The following ACACB variants were observed in gnomAD, a reference collection of about 807,000 sequenced individuals.
ACACB encodes acetyl-CoA carboxylase 2.
ACACB carries 209 observed loss-of-function variants against 278.8 expected under a neutral mutation model. The ratio of observed to expected loss-of-function variants is 0.75; its 90% CI spans 0.67 to 0.84. The LOEUF is 0.84. Among genes scored for constraint, ACACB ranks in the 40% least tolerant of loss-of-function variants. The pLI, the probability that ACACB is intolerant of heterozygous loss-of-function variation, is 0.00. For missense variants in ACACB, 2,850 were observed against 3,269.0 expected, an observed-to-expected ratio of 0.87 and a Z score of 3.13; for synonymous variants, 1,174 against 1,285.6, an observed-to-expected ratio of 0.91 and a Z score of 1.86.
chr12:109,264,421 G>A, intron 50 of ACACB, 35 bp downstream of exon 50: 1 of 1,563,842 alleles, frequency 6.4e-7, no homozygotes, highest in Non-Finnish European at 8.7e-7. Flanking sequence ...GGTGCAAAGA[G>A]CCCACCCTGT....
At position 109,266,417 on chromosome 12, in the gene ACACB, A is replaced by C. The variant is rs2047520548; in HGVS notation, c.*55A>C. ...ACGGCAAAAGGAACCACCCAGACCC[A>C]CCACCCGTACACCCTCAGCAGACCC... is the stretch of plus-strand genomic sequence containing the variant. On this transcript the variant is annotated 3_prime_UTR_variant, in exon 53 of 53. Coordinates refer to ENST00000338432, the MANE Select transcript of ACACB (RefSeq NM_001093.4). 1 of 1,537,964 alleles carries C rather than the reference A, an allele frequency of 6.5e-7. No individual in the cohort carries two copies. Among genetic ancestry groups the C allele is most frequent in the Non-Finnish European group, 8.7e-7 (1 of 1,146,996 alleles).
At chr12:109,210,221 ATG>A (rs1187024302) in intron 21 of ACACB, among the ~76,000 whole-genome samples, 5 of 11,952 alleles carry the variant, frequency 4.2e-4, no homozygotes, top group African/African-American at 1.0e-3. Context: ...ATATACACAC[ATG>A]TGTGTATATG....
intron 9 of ACACB, among the ~76,000 whole-genome samples, chr12:109,176,864 G>C (rs768396952): frequency 3.3e-5 from 5 of 152,142 alleles, no homozygotes; most frequent in Non-Finnish European, 7.4e-5. Flanking sequence ...TGATCCACCC[G>C]CCCTGGCCTC....
rs763809724 is a variant in ACACB, at chr12:109,259,063, C to G, written c.6451C>G (p.Leu2151Val). ...VKDFNREKLP[L>V]MIFANWRGFS... Reference sequence around the variant, plus strand: ...GGACTTCAACCGGGAGAAGTTGCCCCTGATGATCTTTGCCAACTGGAGGGG... The same window carrying G: ...GGACTTCAACCGGGAGAAGTTGCCCGTGATGATCTTTGCCAACTGGAGGGG... The change falls in exon 47 of 53, where the codon CTG (leucine) becomes GTG (valine). Residue 2151 changes from leucine to valine, a missense_variant. Coordinates refer to ENST00000338432, the MANE Select transcript of ACACB (RefSeq NM_001093.4). 6.2e-7 allele frequency: 1 copy of G among 1,614,168 alleles called. No individual in the cohort carries two copies. Among genetic ancestry groups the G allele is most frequent in the Non-Finnish European group, 8.5e-7 (1 of 1,180,050 alleles).
intron 35 of ACACB, 93 bp from the exon 36 acceptor site, chr12:109,240,985 A>C (rs2046779770): frequency 3.1e-6 from 4 of 1,295,600 alleles, no homozygotes; most frequent in Non-Finnish European, 4.4e-6. Flanking sequence ...TTTTGCAGTC[A>C]GTATATCTCA....
intron 22 of ACACB, among the ~76,000 whole-genome samples, chr12:109,215,553 G>A (rs2045969337): frequency 6.6e-6 from 1 of 152,122 alleles, no homozygotes; most frequent in African/African-American, 2.4e-5. Flanking sequence ...CATGAGGTCA[G>A]GAGATCGAGA....
rs749423321 is a variant in ACACB, at chr12:109,256,253, G to A, written c.6263+17G>A. 1 of 1,610,008 alleles carries A rather than the reference G, an allele frequency of 6.2e-7. No individual in the cohort carries two copies. Among genetic ancestry groups the A allele is most frequent in the South Asian group, 1.1e-5 (1 of 90,958 alleles). ...ACGAGCAAGGTAATCATGAAGACGG[G>A]AGCAGGCTGCCCATGTCTGACTCAC... On this transcript the variant is annotated intron_variant, in intron 45 of 52. Coordinates refer to ENST00000338432, the MANE Select transcript of ACACB (RefSeq NM_001093.4).
At chr12:109,240,637 A>G (rs2046769896) in intron 35 of ACACB, among the ~76,000 whole-genome samples, 1 of 149,398 alleles carries the variant, frequency 6.7e-6, no homozygotes, top group Non-Finnish European at 1.5e-5. Flanking sequence ...AATTAATACA[A>G]TAGTATTATT....
chr12:109,245,900 G>T, intron 38 of ACACB, 152 bp downstream of exon 38: 1 of 1,016,244 alleles, frequency 9.8e-7, no homozygotes, highest in Non-Finnish European at 1.4e-6. Flanking sequence ...ACCAGCCTGG[G>T]CTACATGGTG....
chr12:109,246,933 G>A (rs1399586484), intron 39 of ACACB, among the ~76,000 whole-genome samples: 1 of 152,164 alleles, frequency 6.6e-6, no homozygotes, highest in East Asian at 1.9e-4. Context: ...AACTAGGTGA[G>A]CATGATGGTG....
intron 29 of ACACB, among the ~76,000 whole-genome samples, chr12:109,233,542 C>T (rs1276985645): frequency 6.6e-6 from 1 of 152,234 alleles, no homozygotes; most frequent in Non-Finnish European, 1.5e-5. Context: ...TAGGTTCATT[C>T]TTCCCTTTTG....
At chr12:109,121,083 G>A (rs1321672396) in intron 1 of ACACB, among the ~76,000 whole-genome samples, 2 of 152,094 alleles carry the variant, frequency 1.3e-5, no homozygotes, top group Non-Finnish European at 2.9e-5. Flanking sequence ...GGGACCACAG[G>A]TGCATATCAC....
At chr12:109,252,337 T>G (rs1307157072) in intron 42 of ACACB, 181 bp downstream of exon 42, 1 of 479,028 alleles carries the variant, frequency 2.1e-6, no homozygotes, top group Non-Finnish European at 3.7e-6. Flanking sequence ...AAAAAATTAG[T>G]TTTAGGCAAT....
chr12:109,234,406 C>T (rs1331277805), intron 31 of ACACB, among the ~76,000 whole-genome samples: 3 of 152,164 alleles, frequency 2.0e-5, no homozygotes, highest in Middle Eastern at 6.8e-3. Flanking sequence ...ACATTGATGA[C>T]CAAGTGTGCC....
At position 109,197,131 on chromosome 12, in the gene ACACB, T is replaced by C. The variant is rs1458408808; in HGVS notation, c.2605T>C (p.Tyr869His). ...LSYNGNSYTT[Y>H]MKEEVDSYRI... Reference sequence around the variant, plus strand: ...CTACAATGGGAACAGCTACACCACCTACATGAAGGAAGAGGTTGACAGGTG... The same window carrying C: ...CTACAATGGGAACAGCTACACCACCCACATGAAGGAAGAGGTTGACAGGTG... Residue 869 changes from tyrosine to histidine, a missense_variant, in exon 17 of 53, where the codon TAC becomes CAC. By Grantham distance (83) the Tyr-to-His change is moderately conservative. This residue lies in a region of ACACB where 2,265 missense variants were observed against 2,561.3 expected (regional missense o/e 0.88). Transcript: ENST00000338432. 1.9e-6 allele frequency: 3 copies of C among 1,604,880 alleles called. No individual in the cohort carries two copies. The highest frequency in any genetic ancestry group is 2.6e-6 in the Non-Finnish European group (3 of 1,176,168).
chr12:109,227,624 G>A, intron 28 of ACACB, 135 bp downstream of exon 28: 1 of 781,018 alleles, frequency 1.3e-6, no homozygotes, highest in Non-Finnish European at 2.1e-6. Context: ...CACTTCCCCT[G>A]TGGGAGCTCC....
chr12:109,134,617 A>G (rs1292919591), intron 1 of ACACB, among the ~76,000 whole-genome samples: 1 of 152,212 alleles, frequency 6.6e-6, no homozygotes, highest in African/African-American at 2.4e-5. Context: ...GCACAAGAGA[A>G]ATAGTAATAG....
chr12:109,202,053 GC>G (rs778297497), intron 19 of ACACB, among the ~76,000 whole-genome samples: 12 of 152,060 alleles, frequency 7.9e-5, no homozygotes, highest in Non-Finnish European at 1.3e-4. Context: ...CCTCCTGGCG[GC>G]TGTCCTCTCT....
chr12:109,242,224 AACTGCATT>A, intron 36 of ACACB: 1 of 525,870 alleles, frequency 1.9e-6, no homozygotes, highest in Non-Finnish European at 3.4e-6. Flanking sequence ...GTATTTTTGG[AACTGCATT>A]CCACAGCCCC....
Sources: allele counts gnomAD v4.1 joint callset (sites outside exome capture counted in the v4.1 genomes callset), GRCh38; gene constraint gnomAD v4.1.1; regional missense constraint gnomAD v4.1.1; transcripts MANE v1.5; gene names NCBI Gene and HGNC (gene_info 2026-07-23, HGNC 2026-07-21).